The following NRXN1 variants were observed in gnomAD, a reference collection of about 807,000 sequenced individuals.
The protein encoded by NRXN1 is neurexin 1, also known as neurexin-1.
NRXN1 carries 39 observed loss-of-function variants against 150.9 expected under a neutral mutation model. That is an observed-to-expected ratio of 0.26 (90% CI 0.20 to 0.34). The LOEUF (loss-of-function observed/expected upper bound fraction) is 0.34, where lower values mean the gene tolerates loss of function less well. Ranked by LOEUF, NRXN1 falls within the 10% of genes least tolerant of loss-of-function variation. The pLI, the probability that NRXN1 is intolerant of heterozygous loss-of-function variation, is 1.00. For missense variants in NRXN1, 1,815 were observed against 1,949.9 expected (o/e 0.93, Z 1.30); for synonymous variants, 924 against 757.0 (o/e 1.22, Z -3.62).
chr2:50,891,403 C>CT (rs1021468428), intron 5 of NRXN1, among the ~76,000 whole-genome samples: 8 of 152,074 alleles, frequency 5.3e-5, no homozygotes, highest in African/African-American at 1.9e-4. Flanking sequence ...ACCTTCTTTC[C>CT]TTTTTCACTT....
intron 5 of NRXN1, among the ~76,000 whole-genome samples, chr2:50,662,311 T>C (rs907589266): frequency 6.6e-6 from 1 of 152,030 alleles, no homozygotes; most frequent in African/African-American, 2.4e-5. Context: ...GAAATGGACA[T>C]CTTGCTCAAC....
At chr2:50,764,009 CATCCGTTGGCCCTTTTTT>C (rs972434291) in intron 5 of NRXN1, among the ~76,000 whole-genome samples, 4 of 150,040 alleles carry the variant, frequency 2.7e-5, no homozygotes, top group African/African-American at 7.4e-5. Context: ...GACTGTGACA[CATCCGTTGGCCCTTTTTT>C]TTTTTTTGCT....
intron 17 of NRXN1, among the ~76,000 whole-genome samples, chr2:50,455,477 C>T (rs2087461391): frequency 6.6e-6 from 1 of 152,178 alleles, no homozygotes; most frequent in African/African-American, 2.4e-5. Context: ...ATCTTTAGCA[C>T]TTCAACACAC....
intron 22 of NRXN1, among the ~76,000 whole-genome samples, chr2:49,943,242 A>G (rs941616383): frequency 6.6e-6 from 1 of 152,188 alleles, no homozygotes; most frequent in African/African-American, 2.4e-5. Context: ...CTACTGCTAT[A>G]ATACTCTCAC....
intron 8 of NRXN1, among the ~76,000 whole-genome samples, chr2:50,607,071 T>G (rs1436068622): frequency 6.6e-6 from 1 of 152,128 alleles, no homozygotes; most frequent in African/African-American, 2.4e-5. Context: ...TTGGAACAAA[T>G]AGCCTCCAAA....
At chr2:50,705,077 C>CACAT (rs397825896) in intron 5 of NRXN1, among the ~76,000 whole-genome samples, 4 of 150,720 alleles carry the variant, frequency 2.7e-5, no homozygotes, top group African/African-American at 9.8e-5. Flanking sequence ...CACACACACA[C>CACAT]CCATCCCCAG....
intron 18 of NRXN1, among the ~76,000 whole-genome samples, chr2:50,140,308 C>T (rs1404960300): frequency 6.6e-6 from 1 of 152,030 alleles, no homozygotes; most frequent in Non-Finnish European, 1.5e-5. Flanking sequence ...CTGATTTAAA[C>T]CTCAGCTTGT....
chr2:50,646,463 T>C (rs1684825316), intron 5 of NRXN1, among the ~76,000 whole-genome samples: 1 of 152,006 alleles, frequency 6.6e-6, no homozygotes, highest in Non-Finnish European at 1.5e-5. Context: ...AAGTTTAAAA[T>C]TCTTTAGATA....
At chr2:50,353,173 C>G (rs1261736966) in intron 17 of NRXN1, among the ~76,000 whole-genome samples, 3 of 152,094 alleles carry the variant, frequency 2.0e-5, no homozygotes, top group African/African-American at 7.2e-5. Context: ...ATTCTGTAAT[C>G]TCTATCTTGT....
chr2:50,942,896 C>T (rs539124149), intron 2 of NRXN1, among the ~76,000 whole-genome samples: 72 of 152,174 alleles, frequency 4.7e-4, no homozygotes, highest in Non-Finnish European at 8.8e-4. Flanking sequence ...ATTTGGTAGG[C>T]GCCAGGGATG....
chr2:50,601,282 A>G (rs749693297), intron 8 of NRXN1, among the ~76,000 whole-genome samples: 31 of 152,176 alleles, frequency 2.0e-4, no homozygotes, highest in Non-Finnish European at 3.4e-4. Flanking sequence ...TGAAGATCCC[A>G]TGTGTTTCAG....
intron 21 of NRXN1, among the ~76,000 whole-genome samples, chr2:50,022,039 C>T (rs1200612896): frequency 5.9e-5 from 9 of 151,832 alleles, no homozygotes; most frequent in Admixed American, 2.6e-4. Context: ...TTAGTAGAGA[C>T]GAGATTTCAC....
chr2:50,358,607 T>C (rs1478512974), intron 17 of NRXN1, among the ~76,000 whole-genome samples: 1 of 152,070 alleles, frequency 6.6e-6, no homozygotes, highest in Non-Finnish European at 1.5e-5. Context: ...AAAACTCCCA[T>C]CTCCCTGGGA....
intron 17 of NRXN1, among the ~76,000 whole-genome samples, chr2:50,302,124 A>G (rs1467207319): frequency 6.6e-6 from 1 of 152,148 alleles, no homozygotes; most frequent in Non-Finnish European, 1.5e-5. Context: ...ATGAGAAAAA[A>G]ATATAATGAA....
rs1161865745 is a variant in NRXN1, at chr2:50,019,947, C to CAAAAAAAAAAAAAA, written c.4128+33310_4128+33323dup. On this transcript the variant is annotated intron_variant, in intron 21 of 22. Coordinates refer to ENST00000401669, the MANE Select transcript of NRXN1 (RefSeq NM_001330078.2). Reference sequence around the variant, plus strand: ...TGGGTGACAAAGCAAGACTCCGTCTCAAAAAAAAAAAAAAAAAAAAAAAAA... The same window carrying CAAAAAAAAAAAAAA: ...TGGGTGACAAAGCAAGACTCCGTCTCAAAAAAAAAAAAAAAAAAAAAAAAAAAAAAAAAAAAAAA... Among the ~76,000 whole-genome samples, 40 of 43,354 alleles carry CAAAAAAAAAAAAAA rather than the reference C, an allele frequency of 9.2e-4. 3 individuals are homozygous for CAAAAAAAAAAAAAA. The highest frequency in any genetic ancestry group is 2.8e-3 in the East Asian group (3 of 1,054). The allele number at this position is 43,354 out of a possible 152,430, so 28.4% of individuals were successfully genotyped here.
intron 17 of NRXN1, chr2:50,417,133 T>C (rs1192318892): frequency 6.6e-6 from 1 of 152,070 alleles, no homozygotes; most frequent in African/African-American, 2.4e-5. Context: ...CCTCCAGTCA[T>C]GTTTTATAAA....
chr2:50,314,536 T>C (rs966132855), intron 17 of NRXN1, among the ~76,000 whole-genome samples: 1 of 151,914 alleles, frequency 6.6e-6, no homozygotes, highest in African/African-American at 2.4e-5. Context: ...TCATTCCATA[T>C]AATTATGGGT....
intron 17 of NRXN1, among the ~76,000 whole-genome samples, chr2:50,399,125 A>T (rs2082233604): frequency 6.6e-6 from 1 of 152,100 alleles, no homozygotes; most frequent in Non-Finnish European, 1.5e-5. Context: ...TTTCACTTAG[A>T]TTTTAAAGGG....
intron 17 of NRXN1, among the ~76,000 whole-genome samples, chr2:50,300,161 G>C (rs1214093880): frequency 6.6e-6 from 1 of 152,142 alleles, no homozygotes; most frequent in Non-Finnish European, 1.5e-5. Flanking sequence ...GAGCAACCAG[G>C]AAAAGGTAAT....
Sources: allele counts gnomAD v4.1 joint callset (sites outside exome capture counted in the v4.1 genomes callset), GRCh38; gene constraint gnomAD v4.1.1; transcripts MANE v1.5; gene names NCBI Gene and HGNC (gene_info 2026-07-23, HGNC 2026-07-21).